The following SRSF10 variants were observed in gnomAD, a reference collection of about 807,000 sequenced individuals.
The protein encoded by SRSF10 is serine/arginine-rich splicing factor 10.
SRSF10 carries 9 observed loss-of-function variants against 32.6 expected under a neutral mutation model. The observed-to-expected ratio is 0.28, with a 90% CI of 0.17 to 0.48. The LOEUF (loss-of-function observed/expected upper bound fraction) is 0.48, where lower values mean the gene tolerates loss of function less well. Among genes scored for constraint, SRSF10 ranks in the 20% least tolerant of loss-of-function variants. The pLI is 0.99. For missense variants in SRSF10, 201 were observed against 331.8 expected, an observed-to-expected ratio of 0.61 and a Z score of 3.06; for synonymous variants, 105 against 112.4, an observed-to-expected ratio of 0.93 and a Z score of 0.42.
chr1:23,978,572 G>A (rs1351163007), intron 2 of SRSF10, 141 bp downstream of exon 2: 28 of 1,098,056 alleles, frequency 2.5e-5, no homozygotes, highest in Non-Finnish European at 3.4e-5. Flanking sequence ...CAATGTGTGA[G>A]TCAGAATTAA....
Position 23,980,323 on chromosome 1 carries a change from G to T in SRSF10, c.-68C>A. On this transcript the variant is annotated 5_prime_UTR_variant, in exon 1 of 6. Coordinates refer to ENST00000492112, the MANE Select transcript of SRSF10 (RefSeq NM_054016.4). Reference sequence around the variant, plus strand: ...AACCGTCCGCGGCTCAGGCGGCCGAGCCTCAGACACACACAGCTAGAGGGC... The same window carrying T: ...AACCGTCCGCGGCTCAGGCGGCCGATCCTCAGACACACACAGCTAGAGGGC... 7.4e-7 allele frequency: 1 copy of T among 1,359,502 alleles called. No individual in the cohort carries two copies. Among genetic ancestry groups the T allele is most frequent in the Non-Finnish European group, 9.6e-7 (1 of 1,043,136 alleles). The allele number at this position is 1,359,502 out of a possible 1,614,324, so 84.2% of individuals were successfully genotyped here.
In SRSF10 at chr1:23,964,456, T is replaced by C. The variant is rs1641359835; in HGVS notation, c.*6686A>G. ...AATAGCTGGTACAGAGAACTTACCA[T>C]GTAAGGCTGCTGAAGTCAGCCATAC... On this transcript the variant is annotated 3_prime_UTR_variant, in exon 6 of 6. Transcript: ENST00000492112. 6.6e-6 allele frequency among the ~76,000 whole-genome samples: 1 copy of C among 152,022 alleles called. No individual in the cohort carries two copies. Among genetic ancestry groups the C allele is most frequent in the Non-Finnish European group, 1.5e-5 (1 of 67,878 alleles).
At chr1:23,971,647 A>C (rs987561510) in intron 4 of SRSF10, 21 bp from the exon 5 acceptor site, 6 of 1,606,576 alleles carry the variant, frequency 3.7e-6, no homozygotes, top group Non-Finnish European at 5.1e-6. Context: ...TATCAGAAAA[A>C]GCAGTGACAA....
Position 23,980,131 on chromosome 1 carries a change from G to A in SRSF10, c.65+60C>T, listed in dbSNP as rs7523052. On this transcript the variant is annotated intron_variant, in intron 1 of 5. Coordinates refer to ENST00000492112, the MANE Select transcript of SRSF10 (RefSeq NM_054016.4). Reference sequence around the variant, plus strand: ...CCGGCCCAGTGCCGCCACCACCAGGGTCCTCTCCAGGCGCCTGCGGCCTCC... The same window carrying A: ...CCGGCCCAGTGCCGCCACCACCAGGATCCTCTCCAGGCGCCTGCGGCCTCC... 4.0e-5 allele frequency: 60 copies of A among 1,489,782 alleles called. No homozygotes were observed. The African/African-American group carries it at 6.7e-4, about 17-fold the overall frequency. 92.3% of individuals were successfully genotyped at this position (1,489,782 alleles called of 1,614,324 possible).
chr1:23,967,658 C>G lies in SRSF10; in HGVS notation c.*3484G>C, dbSNP rs1197133930. ...AACTGCCCTTCTTTGGTTCTTTTTC[C>G]GCTTTCAGATCTTTCTTGAAGTGTA... On this transcript the variant is annotated 3_prime_UTR_variant, in exon 6 of 6. Coordinates refer to ENST00000492112, the MANE Select transcript of SRSF10 (RefSeq NM_054016.4). The G allele has an allele frequency of 1.3e-6, 2 of 1,561,778 alleles. No individual in the cohort carries two copies. The highest frequency in any genetic ancestry group is 1.8e-6 in the Non-Finnish European group (2 of 1,133,234).
At chr1:23,972,780 T>C (rs1641850813) in intron 3 of SRSF10, among the ~76,000 whole-genome samples, 2 of 150,916 alleles carry the variant, frequency 1.3e-5, no homozygotes, top group South Asian at 2.1e-4. Flanking sequence ...TTGCTCTTGT[T>C]GCCCAGGCCG....
In SRSF10 at chr1:23,968,048, TATTTATC is replaced by T. The variant is rs1641541198; in HGVS notation, c.*3087_*3093del. On this transcript the variant is annotated 3_prime_UTR_variant, in exon 6 of 6. Transcript: ENST00000492112. Reference sequence around the variant, plus strand: ...CATTTGAGTGTTGATATAACCATTCTATTTATCATTGAGCCCAGTCATACACAGTAGG... The same window carrying T: ...CATTTGAGTGTTGATATAACCATTCTATTGAGCCCAGTCATACACAGTAGG... The T allele has an allele frequency of 6.6e-7, 1 of 1,522,732 alleles. No homozygotes were observed. The highest frequency in any genetic ancestry group is 8.8e-7 in the Non-Finnish European group (1 of 1,141,694). The allele number at this position is 1,522,732 out of a possible 1,614,324, so 94.3% of individuals were successfully genotyped here.
intron 3 of SRSF10, 140 bp downstream of exon 3, chr1:23,974,834 A>G (rs1171610561): frequency 2.3e-5 from 14 of 609,044 alleles, no homozygotes; most frequent in Non-Finnish European, 3.6e-5. Context: ...CTCCGTCTCA[A>G]AAAAAAAAAA....
At chr1:23,976,181 A>T (rs570493738) in intron 2 of SRSF10, 1 of 151,040 alleles carries the variant, frequency 6.6e-6, no homozygotes, top group South Asian at 2.1e-4. Flanking sequence ...CTTTTTCCTA[A>T]ATTTGAGAGA....
At chr1:23,973,671 A>G (rs1161385497) in intron 3 of SRSF10, among the ~76,000 whole-genome samples, 1 of 152,172 alleles carries the variant, frequency 6.6e-6, no homozygotes, top group Non-Finnish European at 1.5e-5. Flanking sequence ...CCATATGCTG[A>G]TTTGGAATGA....
Position 23,978,839 on chromosome 1 carries a change from T to C in SRSF10, c.66-22A>G. ...AGACCTAAAACATCATAAAAAGACC[T>C]CAAATTTTTATGTCCAAGTCCTTAA... On this transcript the variant is annotated intron_variant, in intron 1 of 5. Coordinates refer to ENST00000492112, the MANE Select transcript of SRSF10 (RefSeq NM_054016.4). 5.0e-6 allele frequency: 8 copies of C among 1,590,512 alleles called. No homozygotes were observed. In the South Asian group the frequency reaches 9.2e-5, roughly 18 times the overall value.
Position 23,971,212 on chromosome 1 carries a change from C to A in SRSF10, c.719G>T (p.Arg240Ile). Reference protein sequence around the residue: ...KEPPRSKSQSRSQSRSRSKSR... With the variant: ...KEPPRSKSQSISQSRSRSKSR... ...TTTTGACCTAGACCTAGACTGTGAT[C>A]TTGACTGAGATTTGGATCTAGGTGG... is the stretch of plus-strand genomic sequence containing the variant. Residue 240 changes from arginine to isoleucine, a missense_variant, in exon 6 of 6, where the codon AGA (arginine) becomes ATA (isoleucine). Physicochemically the swap from Arg to Ile is moderately conservative, Grantham distance 97 (BLOSUM62 -3). Around this residue, in one of 3 missense-constraint regions of SRSF10, gnomAD observed 159 missense variants for 196.7 expected, o/e 0.81. Coordinates refer to ENST00000492112, the MANE Select transcript of SRSF10 (RefSeq NM_054016.4). 6.2e-7 allele frequency: 1 copy of A among 1,614,094 alleles called. No homozygotes were observed. The highest frequency in any genetic ancestry group is 8.5e-7 in the Non-Finnish European group (1 of 1,180,004).
rs1641775348 is a variant in SRSF10, at chr1:23,971,854, T to C, written c.433A>G (p.Arg145Gly). 6.2e-7 allele frequency: 1 copy of C among 1,605,170 alleles called. No individual in the cohort carries two copies. Among genetic ancestry groups the C allele is most frequent in the African/African-American group, 1.3e-5 (1 of 74,190 alleles). ...TGTGCTACACAGCACACTTACTTTC[T>C]AGGACTATACGATCTTCTATAGTTG... is the stretch of plus-strand genomic sequence containing the variant. ...DYNYRRSYSPRNSRPTGRPRR... is the reference protein window; with the variant it reads ...DYNYRRSYSPGNSRPTGRPRR... The change falls in exon 4 of 6, where the codon AGA becomes GGA. Residue 145 changes from arginine (R) to glycine (G), a missense_variant. Physicochemically the swap from Arg to Gly is moderately radical, Grantham distance 125 (BLOSUM62 -2). Transcript: ENST00000492112.
rs1189145844 is a variant in SRSF10, at chr1:23,965,907, C to T, written c.*5235G>A. ...AGGGCAAAAAAGTCTATAGCCTCTACATATTCTTTTAAAAATACATAGAAC... is the reference window on the plus strand; with the variant it reads ...AGGGCAAAAAAGTCTATAGCCTCTATATATTCTTTTAAAAATACATAGAAC... On this transcript the variant is annotated 3_prime_UTR_variant, in exon 6 of 6. Transcript: ENST00000492112. The T allele has an allele frequency of 2.0e-5, 3 of 151,878 alleles. No individual in the cohort carries two copies. The highest frequency in any genetic ancestry group is 4.4e-5 in the Non-Finnish European group (3 of 67,806). The allele number at this position is 151,878 out of a possible 1,614,324, so 9.4% of individuals were successfully genotyped here.
In SRSF10 at chr1:23,966,546, C is replaced by G. The variant is rs1477370424; in HGVS notation, c.*4596G>C. On this transcript the variant is annotated 3_prime_UTR_variant, in exon 6 of 6. Transcript: ENST00000492112. ...AAAAGTATAATTTGGTGAACATTTTCTCAATTACAGAACATACTAAATCAG... is the reference window on the plus strand; with the variant it reads ...AAAAGTATAATTTGGTGAACATTTTGTCAATTACAGAACATACTAAATCAG... 1 of 151,954 alleles carries G rather than the reference C, an allele frequency of 6.6e-6. No homozygotes were observed. The highest frequency in any genetic ancestry group is 2.4e-5 in the African/African-American group (1 of 41,408). The allele number at this position is 151,954 out of a possible 1,614,324, so 9.4% of individuals were successfully genotyped here.
chr1:23,980,164 G>T, intron 1 of SRSF10, 27 bp downstream of exon 1: 1 of 1,531,746 alleles, frequency 6.5e-7, no homozygotes, highest in Middle Eastern at 1.8e-4. Context: ...TCCCCGCCTA[G>T]GCCCGGAGTA....
chr1:23,968,708 T>C lies in SRSF10; in HGVS notation c.*2434A>G, dbSNP rs113144719. On this transcript the variant is annotated 3_prime_UTR_variant, in exon 6 of 6. Transcript: ENST00000492112. Reference sequence around the variant, plus strand: ...TTCAATTTAAAATGATTTAAAATCATGTCATAAACGTTAAGCCCTAATGCG... The same window carrying C: ...TTCAATTTAAAATGATTTAAAATCACGTCATAAACGTTAAGCCCTAATGCG... 1.1e-3 allele frequency among the ~76,000 whole-genome samples: 165 copies of C among 152,322 alleles called. No homozygotes were observed. Among genetic ancestry groups the C allele is most frequent in the African/African-American group, 3.6e-3 (150 of 41,584 alleles).
In SRSF10 at chr1:23,964,428, A is replaced by G. The variant is rs1641357661; in HGVS notation, c.*6714T>C. Among the ~76,000 whole-genome samples, 1 of 152,028 alleles carries G rather than the reference A, an allele frequency of 6.6e-6. No homozygotes were observed. The highest frequency in any genetic ancestry group is 1.5e-5 in the Non-Finnish European group (1 of 67,888). On this transcript the variant is annotated 3_prime_UTR_variant, in exon 6 of 6. Transcript: ENST00000492112. ...CCAAGTCGATGCAATTGCGAGAACCAAAAATAGCTGGTACAGAGAACTTAC... is the reference window on the plus strand; with the variant it reads ...CCAAGTCGATGCAATTGCGAGAACCGAAAATAGCTGGTACAGAGAACTTAC...
chr1:23,964,963 T>C lies in SRSF10; in HGVS notation c.*6179A>G, dbSNP rs1298415337. On this transcript the variant is annotated 3_prime_UTR_variant, in exon 6 of 6. Transcript: ENST00000492112. Reference sequence around the variant, plus strand: ...CTTTTTATTCCAAGAAAAATCCCCATTATGCAATACAAGGGTGAAACAGCT... The same window carrying C: ...CTTTTTATTCCAAGAAAAATCCCCACTATGCAATACAAGGGTGAAACAGCT... The C allele has an allele frequency of 6.6e-6, 1 of 151,886 alleles. No individual in the cohort carries two copies. The highest frequency in any genetic ancestry group is 1.5e-5 in the Non-Finnish European group (1 of 67,864). The allele number at this position is 151,886 out of a possible 1,614,324, so 9.4% of individuals were successfully genotyped here.
Sources: allele counts gnomAD v4.1 joint callset (sites outside exome capture counted in the v4.1 genomes callset), GRCh38; gene constraint gnomAD v4.1.1; regional missense constraint gnomAD v4.1.1; transcripts MANE v1.5; gene names NCBI Gene and HGNC (gene_info 2026-07-23, HGNC 2026-07-21).